Variants in TGM5 observed in about 807,000 individuals in gnomAD.
TGM5 encodes transglutaminase 5.
TGM5 carries 69 observed loss-of-function variants against 77.2 expected under a neutral mutation model. That is an observed-to-expected ratio of 0.89 (90% CI 0.74 to 1.09). The LOEUF is 1.09. TGM5 is among the 50% of genes least tolerant of loss of function. The probability of loss-of-function intolerance (pLI) is 0.00; values close to 1 mark genes in which losing one functional copy is unlikely to be tolerated. For missense variants in TGM5, 842 were observed against 896.5 expected, an observed-to-expected ratio of 0.94 and a Z score of 0.78; for synonymous variants, 346 against 351.8, an observed-to-expected ratio of 0.98 and a Z score of 0.18.
chr15:43,239,185 G>A lies in TGM5; in HGVS notation c.1083C>T (p.Ala361=), dbSNP rs769396582. Residue 361 remains alanine (A), a synonymous_variant, in exon 8 of 13, where the codon GCC becomes GCT. Transcript: ENST00000220420. ...PAYGGWQVLD[A]TPQEMSNGVY... is the part of the protein sequence containing the mutation. ...CACCGTTGCTCATCTCCTGAGGTGT[G>A]GCGTCCAGCACCTGCCAGCCTCCAT... The A allele has an allele frequency of 6.2e-7, 1 of 1,614,144 alleles. No homozygotes were observed. Among genetic ancestry groups the A allele is most frequent in the Non-Finnish European group, 8.5e-7 (1 of 1,180,032 alleles).
At chr15:43,239,555 C>T in intron 7 of TGM5, 5 of 455,436 alleles carry the variant, frequency 1.1e-5, no homozygotes, top group Non-Finnish European at 2.0e-5. Flanking sequence ...TGGCACATGC[C>T]TATAGTCCCA....
chr15:43,248,042 A>C (rs1029422095), intron 6 of TGM5, among the ~76,000 whole-genome samples: 2 of 152,236 alleles, frequency 1.3e-5, no homozygotes, highest in African/African-American at 4.8e-5. Context: ...GGGCCTGAGC[A>C]GACCAATTAT....
At chr15:43,242,506 G>A (rs1316422034) in intron 6 of TGM5, among the ~76,000 whole-genome samples, 1 of 152,162 alleles carries the variant, frequency 6.6e-6, no homozygotes, top group African/African-American at 2.4e-5. Flanking sequence ...CAAAAATATG[G>A]TTATTTCTAA....
intron 10 of TGM5, among the ~76,000 whole-genome samples, 167 bp downstream of exon 10, chr15:43,235,302 G>A (rs1204865988): frequency 6.6e-6 from 1 of 150,506 alleles, no homozygotes; most frequent in Non-Finnish European, 1.5e-5. Context: ...GGGAAGGAAG[G>A]AAGGAAGGAA....
intron 7 of TGM5, 112 bp from the exon 8 acceptor site, chr15:43,239,378 A>T (rs2142358853): frequency 9.0e-7 from 1 of 1,114,770 alleles, no homozygotes; most frequent in Admixed American, 1.8e-5. Flanking sequence ...TAGCACACAC[A>T]GGGCTTAAAA....
At position 43,237,727 on chromosome 15, in the gene TGM5, A is replaced by G. The variant is rs151174366; in HGVS notation, c.1345+1090T>C. Among the ~76,000 whole-genome samples the G allele has an allele frequency of 4.3e-3, 662 of 152,252 alleles. 2 individuals are homozygous for G. Among genetic ancestry groups the G allele is most frequent in the African/African-American group, 0.015 (631 of 41,530 alleles). On this transcript the variant is annotated intron_variant, in intron 9 of 12. Transcript: ENST00000220420. ...ACAGCTCCTGGCCTGGGACAAATTT[A>G]TGCTAAAGCATTATTTGTCCTTTAT...
rs923809164 is a variant in TGM5, at chr15:43,251,280, G to A, written c.862+1479C>T. Among the ~76,000 whole-genome samples the A allele has an allele frequency of 5.3e-5, 8 of 151,764 alleles. 1 individual carries two copies. The highest frequency in any genetic ancestry group is 1.7e-4 in the African/African-American group (7 of 41,368). On this transcript the variant is annotated intron_variant, in intron 6 of 12. Transcript: ENST00000220420. ...CTGCAGCTGCAGAGGAGTAATCTTG[G>A]GGCTTACTGATCATTCTCATCAACT...
chr15:43,248,695 C>A (rs1222574411), intron 6 of TGM5, among the ~76,000 whole-genome samples: 2 of 152,144 alleles, frequency 1.3e-5, no homozygotes, highest in African/African-American at 4.8e-5. Context: ...TGTGTTTAGT[C>A]CAGGGCACTG....
chr15:43,253,582 T>C lies in TGM5; in HGVS notation c.608A>G (p.His203Arg), dbSNP rs756467118. The change falls in exon 5 of 13, where the codon CAC becomes CGC. Residue 203 changes from histidine to arginine, a missense_variant. His to Arg is a conservative substitution (Grantham distance 29). This residue lies in a region of TGM5 where 815 missense variants were observed against 844.6 expected (regional missense o/e 0.96). Coordinates refer to ENST00000220420, the MANE Select transcript of TGM5 (RefSeq NM_201631.4). ...ICLKLLDKSLHFQTDPATDCA... is the reference protein window; with the variant it reads ...ICLKLLDKSLRFQTDPATDCA... ...GTCTGTGGCTGGGTCAGTCTGGAAG[T>C]GCAGGCTCTTGTCTAGCAGCTTCAG... 1 of 1,613,896 alleles carries C rather than the reference T, an allele frequency of 6.2e-7. No individual in the cohort carries two copies.
intron 6 of TGM5, among the ~76,000 whole-genome samples, chr15:43,249,655 C>A (rs1406216946): frequency 6.6e-6 from 1 of 152,184 alleles, no homozygotes; most frequent in Non-Finnish European, 1.5e-5. Flanking sequence ...GGGTTCCAAT[C>A]TTGTCAAAGA....
Position 43,235,516 on chromosome 15 carries a change from G to T in TGM5, c.1667C>A (p.Ser556Tyr). 1.2e-6 allele frequency: 2 copies of T among 1,614,228 alleles called. No individual in the cohort carries two copies. The highest frequency in any genetic ancestry group is 1.7e-5 in the Admixed American group (1 of 60,024). The stretch of plus-strand genomic sequence containing the variant: ...GAACGCTGTGTCCTGCCAGAATGGG[G>T]ACAGGGGGCTGCCATCGTGCAGCAG... ...QSLLHDGSPL[S>Y]PFWQDTAFIT... The change falls in exon 10 of 13, where the codon TCC (serine) becomes TAC (tyrosine). Residue 556 changes from serine to tyrosine, a missense_variant. Ser to Tyr is a moderately radical substitution (Grantham distance 144, BLOSUM62 -2). Transcript: ENST00000220420.
intron 1 of TGM5, among the ~76,000 whole-genome samples, chr15:43,264,953 T>C (rs1031420449): frequency 1.2e-4 from 18 of 152,230 alleles, no homozygotes; most frequent in African/African-American, 4.3e-4. Context: ...ATGATCAGCA[T>C]ATTGTAGGTA....
intron 1 of TGM5, among the ~76,000 whole-genome samples, chr15:43,262,942 C>A (rs989748113): frequency 6.6e-6 from 1 of 152,152 alleles, no homozygotes; most frequent in Non-Finnish European, 1.5e-5. Flanking sequence ...AAAATTGTTT[C>A]TATTTACATG....
chr15:43,246,195 T>A (rs751384149), intron 6 of TGM5, among the ~76,000 whole-genome samples: 26 of 152,300 alleles, frequency 1.7e-4, no homozygotes, highest in South Asian at 4.1e-4. Flanking sequence ...GCAGGACAAC[T>A]GTCTCAGTGT....
At chr15:43,259,503 G>A (rs989053833) in intron 3 of TGM5, among the ~76,000 whole-genome samples, 3 of 150,362 alleles carry the variant, frequency 2.0e-5, no homozygotes, top group Non-Finnish European at 4.4e-5. Context: ...TCTCACTTAC[G>A]GTATGTATTG....
At chr15:43,247,526 AAAG>A (rs1425483084) in intron 6 of TGM5, among the ~76,000 whole-genome samples, 1 of 152,100 alleles carries the variant, frequency 6.6e-6, no homozygotes, top group Non-Finnish European at 1.5e-5. Context: ...CTCAAAAAAA[AAAG>A]GAGACAAGGA....
chr15:43,260,846 G>A (rs183654764), intron 1 of TGM5, among the ~76,000 whole-genome samples: 1 of 151,890 alleles, frequency 6.6e-6, no homozygotes, highest in African/African-American at 2.4e-5. Flanking sequence ...CCTCCTGGAG[G>A]GGCATGGTTT....
intron 9 of TGM5, 117 bp from the exon 10 acceptor site, chr15:43,235,954 T>A: frequency 7.3e-7 from 1 of 1,369,910 alleles, no homozygotes; most frequent in Non-Finnish European, 1.0e-6. Context: ...TCACTCCCAG[T>A]AACAAGCACT....
chr15:43,254,605 C>T (rs927467718), intron 4 of TGM5, among the ~76,000 whole-genome samples: 1 of 152,112 alleles, frequency 6.6e-6, no homozygotes, highest in African/African-American at 2.4e-5. Flanking sequence ...CAGATCTGGC[C>T]CCAACCTACC....
Sources: allele counts gnomAD v4.1 joint callset (sites outside exome capture counted in the v4.1 genomes callset), GRCh38; gene constraint gnomAD v4.1.1; regional missense constraint gnomAD v4.1.1; transcripts MANE v1.5; gene names NCBI Gene and HGNC (gene_info 2026-07-23, HGNC 2026-07-21).